Variants in STK32B observed in about 807,000 individuals in gnomAD.
STK32B encodes serine/threonine-protein kinase 32B.
Under a neutral mutation model 52.6 loss-of-function variants are expected in STK32B, and 43 were observed. The ratio of observed to expected loss-of-function variants is 0.82; its 90% confidence interval spans 0.64 to 1.05. The LOEUF (loss-of-function observed/expected upper bound fraction) is 1.05. Among genes scored for constraint, STK32B ranks in the 50% least tolerant of loss-of-function variants. The pLI is 0.00. For synonymous variants in STK32B, 238 were observed against 204.3 expected (o/e 1.17, Z -1.41); for missense variants, 621 against 534.6 (o/e 1.16, Z -1.59).
In STK32B at chr4:5,500,171, A is replaced by G. The variant is rs1720619355; in HGVS notation, c.*1088A>G. 2 of 152,174 alleles carry G rather than the reference A, an allele frequency of 1.3e-5. No individual in the cohort carries two copies. The highest frequency in any genetic ancestry group is 2.9e-5 in the Non-Finnish European group (2 of 68,042). 9.4% of individuals were successfully genotyped at this position (152,174 alleles called of 1,614,324 possible). The stretch of plus-strand genomic sequence containing the variant: ...GTTGGGATGAGCAGGGAAAGCTTAG[A>G]CTTTGGAGTCAGGTTTGTGTTCAGA... On this transcript the variant is annotated 3_prime_UTR_variant, in exon 12 of 12. Coordinates refer to ENST00000282908, the MANE Select transcript of STK32B (RefSeq NM_018401.3).
At chr4:5,444,937 A>G (rs957059878) in intron 6 of STK32B, among the ~76,000 whole-genome samples, 3 of 152,188 alleles carry the variant, frequency 2.0e-5, no homozygotes, top group African/African-American at 7.2e-5. Context: ...CATGTTCTCA[A>G]ATTCCCAAGT....
intron 2 of STK32B, among the ~76,000 whole-genome samples, chr4:5,144,131 C>T (rs948610243): frequency 2.6e-5 from 4 of 152,136 alleles, no homozygotes; most frequent in Admixed American, 6.5e-5. Context: ...ACTGGGAATT[C>T]AGCTCAGCAA....
intron 3 of STK32B, among the ~76,000 whole-genome samples, chr4:5,184,770 A>AT (rs796944338): frequency 1.2e-4 from 18 of 152,326 alleles, no homozygotes; most frequent in African/African-American, 3.8e-4. Flanking sequence ...AAGTTGAAAT[A>AT]TTCCAAGAAT....
At position 5,469,968 on chromosome 4, in the gene STK32B, T is replaced by C. The variant is rs1437782429; in HGVS notation, c.1106+1898T>C. Among the ~76,000 whole-genome samples the C allele has an allele frequency of 1.3e-5, 2 of 152,126 alleles. No homozygotes were observed. The highest frequency in any genetic ancestry group is 2.9e-5 in the Non-Finnish European group (2 of 68,024). ...TCTTGGGCTCAGGCAGCCTTCATTC[T>C]CTGTGTGTGGGCCGTGGAGTCCAAT... On this transcript the variant is annotated intron_variant, in intron 11 of 11. Transcript: ENST00000282908. The surrounding 1 kb of genome is among the most constrained non-coding windows in gnomAD (Gnocchi z 4.7).
chr4:5,291,322 T>A (rs1378344818), intron 3 of STK32B, among the ~76,000 whole-genome samples: 2 of 151,936 alleles, frequency 1.3e-5, no homozygotes, highest in African/African-American at 4.9e-5. Flanking sequence ...TATATCTTAT[T>A]TAATTTTTTC....
chr4:5,079,623 C>G (rs368685620), intron 1 of STK32B, among the ~76,000 whole-genome samples: 35 of 152,094 alleles, frequency 2.3e-4, no homozygotes, highest in East Asian at 7.7e-4. Context: ...AATGGAAACT[C>G]CATCTTTTGA....
At chr4:5,240,131 A>G (rs953558556) in intron 3 of STK32B, among the ~76,000 whole-genome samples, 11 of 147,218 alleles carry the variant, frequency 7.5e-5, no homozygotes, top group Admixed American at 6.9e-4. Flanking sequence ...TTTGACTTCC[A>G]TGTGCCTAAA....
chr4:5,050,533 C>T (rs181272923), upstream of STK32B, among the ~76,000 whole-genome samples: 9 of 152,254 alleles, frequency 5.9e-5, no homozygotes, highest in African/African-American at 1.7e-4. Flanking sequence ...GGGACGGGGA[C>T]TGGGGGACGA....
chr4:5,185,889 C>T (rs1720702697), intron 3 of STK32B, among the ~76,000 whole-genome samples: 2 of 152,146 alleles, frequency 1.3e-5, no homozygotes, highest in African/African-American at 4.8e-5. Flanking sequence ...CCCCTACTAC[C>T]ATCTTGGGCC....
chr4:5,214,944 T>C (rs79675572), intron 3 of STK32B, among the ~76,000 whole-genome samples: 1,603 of 152,322 alleles, frequency 0.011, 26 homozygotes, highest in African/African-American at 0.037. Flanking sequence ...GTATTTTACG[T>C]AGGTATTTTC....
intron 4 of STK32B, among the ~76,000 whole-genome samples, chr4:5,341,997 C>T: frequency 6.6e-6 from 1 of 152,136 alleles, no homozygotes; most frequent in Middle Eastern, 3.2e-3. Flanking sequence ...CCTCCCCTCT[C>T]CCCCTACTCC....
chr4:5,180,246 TCAGA>T (rs1411999585), intron 3 of STK32B, among the ~76,000 whole-genome samples: 1 of 152,210 alleles, frequency 6.6e-6, no homozygotes, highest in Non-Finnish European at 1.5e-5. Context: ...CAATTCAGAC[TCAGA>T]CAGACTCACC....
chr4:5,193,011 G>A (rs1255226275), intron 3 of STK32B, among the ~76,000 whole-genome samples: 1 of 152,170 alleles, frequency 6.6e-6, no homozygotes, highest in Non-Finnish European at 1.5e-5. Flanking sequence ...TGGGGGGATG[G>A]TCCCCAGTGC....
At chr4:5,408,717 T>C (rs1200418589) in intron 5 of STK32B, among the ~76,000 whole-genome samples, 1 of 152,096 alleles carries the variant, frequency 6.6e-6, no homozygotes, top group Non-Finnish European at 1.5e-5. Flanking sequence ...CAGTATTTGA[T>C]ACTGATCTGG....
Position 5,399,615 on chromosome 4 carries a change from G to A in STK32B, c.472+1371G>A, listed in dbSNP as rs1039473129. 4.6e-5 allele frequency among the ~76,000 whole-genome samples: 7 copies of A among 152,180 alleles called. No individual in the cohort carries two copies. Among genetic ancestry groups the A allele is most frequent in the South Asian group, 2.1e-4 (1 of 4,828 alleles). On this transcript the variant is annotated intron_variant, in intron 5 of 11. Coordinates refer to ENST00000282908, the MANE Select transcript of STK32B (RefSeq NM_018401.3). This position sits in a 1 kb window ranked among gnomAD's most constrained non-coding sequence, Gnocchi z 5.4. Reference sequence around the variant, plus strand: ...AAAGGAAGCGAAAGCAACGTCTCCAGTTTGTATCTAAAAGTCAGGATCTTC... The same window carrying A: ...AAAGGAAGCGAAAGCAACGTCTCCAATTTGTATCTAAAAGTCAGGATCTTC...
chr4:5,490,950 C>T (rs577727816), intron 11 of STK32B, among the ~76,000 whole-genome samples: 7 of 152,302 alleles, frequency 4.6e-5, no homozygotes, highest in Admixed American at 4.6e-4. Flanking sequence ...ATATGTGACA[C>T]ATTTTCTTAA....
intron 3 of STK32B, among the ~76,000 whole-genome samples, chr4:5,271,225 C>T (rs1455829185): frequency 6.6e-6 from 1 of 152,220 alleles, no homozygotes; most frequent in Non-Finnish European, 1.5e-5. Context: ...GTGTGAGTCA[C>T]TGTGCCCAGC....
At chr4:5,389,348 G>A (rs1214649585) in intron 4 of STK32B, among the ~76,000 whole-genome samples, 12 of 152,300 alleles carry the variant, frequency 7.9e-5, no homozygotes, top group Non-Finnish European at 1.3e-4. Flanking sequence ...TTAAACAACA[G>A]AAATTAATCA....
intron 3 of STK32B, among the ~76,000 whole-genome samples, chr4:5,263,631 T>G (rs905045463): frequency 2.0e-5 from 3 of 152,232 alleles, no homozygotes; most frequent in African/African-American, 7.2e-5. Flanking sequence ...CTTCATTCTT[T>G]TCTTTTCCCT....
Sources: allele counts gnomAD v4.1 joint callset (sites outside exome capture counted in the v4.1 genomes callset), GRCh38; gene constraint gnomAD v4.1.1; non-coding constraint Gnocchi (gnomAD v3.1); transcripts MANE v1.5; gene names NCBI Gene and HGNC (gene_info 2026-07-23, HGNC 2026-07-21).